DYNC1I2: variants seen among roughly 807,000 people sequenced by gnomAD.
DYNC1I2 encodes the protein dynein cytoplasmic 1 intermediate chain 2.
DYNC1I2 carries 53 observed loss-of-function variants against 88.6 expected under a neutral mutation model. The ratio of observed to expected loss-of-function variants is 0.60; its 90% CI spans 0.48 to 0.75. The LOEUF is 0.75. Ranked by LOEUF, DYNC1I2 falls within the 30% of genes least tolerant of loss-of-function variation. The probability of loss-of-function intolerance (pLI) is 0.00; values close to 1 mark genes in which losing one functional copy is unlikely to be tolerated. For synonymous variants in DYNC1I2, 198 were observed against 254.6 expected, an observed-to-expected ratio of 0.78 and a Z score of 2.12; for missense variants, 458 against 766.6, an observed-to-expected ratio of 0.60 and a Z score of 4.75.
At chr2:171,702,294 G>T (rs982684216) in intron 3 of DYNC1I2, among the ~76,000 whole-genome samples, 2 of 152,164 alleles carry the variant, frequency 1.3e-5, no homozygotes, top group African/African-American at 4.8e-5. Context: ...CTTGTTGGCA[G>T]ATTTACCATT....
chr2:171,741,801 G>C (rs966714696), intron 15 of DYNC1I2, among the ~76,000 whole-genome samples: 1 of 152,022 alleles, frequency 6.6e-6, no homozygotes, highest in Non-Finnish European at 1.5e-5. Context: ...CATAGTTTTG[G>C]CCAGGCACGG....
At chr2:171,714,863 G>A (rs1042127117) in intron 6 of DYNC1I2, among the ~76,000 whole-genome samples, 1 of 152,048 alleles carries the variant, frequency 6.6e-6, no homozygotes, top group East Asian at 1.9e-4. Flanking sequence ...TAGAAAAAAA[G>A]CTTTCAACAG....
chr2:171,736,351 T>A (rs530094249), intron 15 of DYNC1I2, among the ~76,000 whole-genome samples: 4 of 152,190 alleles, frequency 2.6e-5, no homozygotes, highest in Non-Finnish European at 5.9e-5. Context: ...AACAGGCTCC[T>A]AAGACACTGG....
At chr2:171,711,543 G>A (rs986731777) in intron 5 of DYNC1I2, among the ~76,000 whole-genome samples, 1 of 152,158 alleles carries the variant, frequency 6.6e-6, no homozygotes, top group African/African-American at 2.4e-5. Flanking sequence ...AACATTCCTT[G>A]GAGACCATCT....
intron 17 of DYNC1I2, 111 bp downstream of exon 17, chr2:171,746,038 T>C: frequency 8.6e-7 from 1 of 1,158,028 alleles, no homozygotes; most frequent in East Asian, 2.4e-5. Context: ...TTAAACTATA[T>C]GGTTGTAAAG....
chr2:171,713,584 A>T (rs1002065816), intron 6 of DYNC1I2, among the ~76,000 whole-genome samples: 3 of 151,986 alleles, frequency 2.0e-5, no homozygotes, highest in Non-Finnish European at 2.9e-5. Flanking sequence ...AATTTTGTTG[A>T]CATAGAGATA....
chr2:171,717,761 C>G (rs1194434488), intron 7 of DYNC1I2, among the ~76,000 whole-genome samples: 1 of 152,026 alleles, frequency 6.6e-6, no homozygotes, highest in South Asian at 2.1e-4. Flanking sequence ...ATAACCAAAA[C>G]GAAGGCACAG....
chr2:171,695,138 C>T (rs553139484), intron 3 of DYNC1I2, among the ~76,000 whole-genome samples: 5 of 151,496 alleles, frequency 3.3e-5, no homozygotes, highest in South Asian at 2.1e-4. Context: ...CTTGCCCTGT[C>T]GCCCAGGCTG....
At chr2:171,747,214 T>TATATATATATATATATATATA in intron 17 of DYNC1I2, among the ~76,000 whole-genome samples, 1 of 139,644 alleles carries the variant, frequency 7.2e-6, no homozygotes. Flanking sequence ...AAATTATATA[T>TATATATATATATATATATATA]ATATATATAT....
chr2:171,705,708 T>C (rs1269104064), intron 3 of DYNC1I2, among the ~76,000 whole-genome samples: 1 of 152,058 alleles, frequency 6.6e-6, no homozygotes, highest in East Asian at 1.9e-4. Context: ...ATTCTTCTAC[T>C]TTAGATGAAA....
chr2:171,702,380 A>G (rs1480199351), intron 3 of DYNC1I2, among the ~76,000 whole-genome samples: 1 of 152,236 alleles, frequency 6.6e-6, no homozygotes, highest in Non-Finnish European at 1.5e-5. Context: ...AGTGCATTTC[A>G]TAATCCTTAA....
At position 171,708,913 on chromosome 2, in the gene DYNC1I2, G is replaced by A. The variant is rs1289431780; in HGVS notation, c.335+1536G>A. On this transcript the variant is annotated intron_variant, in intron 5 of 17. Transcript: ENST00000397119. ...TTGCCATATTGCCCAGGCTGGACTC[G>A]AATTCCCAGACTCAAGTGATCCACC... Among the ~76,000 whole-genome samples, 5 of 151,908 alleles carry A rather than the reference G, an allele frequency of 3.3e-5. No homozygotes were observed. The East Asian group carries it at 7.7e-4, about 23-fold the overall frequency.
At chr2:171,693,989 G>A (rs1271256277) in intron 3 of DYNC1I2, among the ~76,000 whole-genome samples, 1 of 146,386 alleles carries the variant, frequency 6.8e-6, no homozygotes, top group Non-Finnish European at 1.5e-5. Context: ...TTTCTTTTAT[G>A]TTCTTCTTAA....
intron 12 of DYNC1I2, 45 bp from the exon 13 acceptor site, chr2:171,728,260 C>G: frequency 1.6e-6 from 2 of 1,250,800 alleles, no homozygotes; most frequent in Non-Finnish European, 2.2e-6. Context: ...TTTTGTTTTG[C>G]TTTTTGGTAC....
At chr2:171,692,457 T>C (rs150278029) in intron 2 of DYNC1I2, among the ~76,000 whole-genome samples, 17 of 152,314 alleles carry the variant, frequency 1.1e-4, no homozygotes, top group African/African-American at 4.1e-4. Flanking sequence ...CTATTATTCC[T>C]GACCATAGAC....
chr2:171,718,447 T>C (rs1481686332), intron 7 of DYNC1I2, among the ~76,000 whole-genome samples: 1 of 152,002 alleles, frequency 6.6e-6, no homozygotes, highest in East Asian at 1.9e-4. Context: ...CTTTTTTTTT[T>C]CTTTGAGACA....
intron 3 of DYNC1I2, among the ~76,000 whole-genome samples, chr2:171,696,087 T>C (rs982849964): frequency 2.6e-5 from 4 of 152,242 alleles, no homozygotes; most frequent in African/African-American, 9.6e-5. Context: ...TCTTTGTGTA[T>C]TTTGTATATT....
At chr2:171,697,719 A>G (rs924034641) in intron 3 of DYNC1I2, among the ~76,000 whole-genome samples, 1 of 151,942 alleles carries the variant, frequency 6.6e-6, no homozygotes, top group Admixed American at 6.6e-5. Flanking sequence ...TTAGCCAGGC[A>G]TGATAGCAGG....
At chr2:171,703,419 A>C (rs1455860311) in intron 3 of DYNC1I2, among the ~76,000 whole-genome samples, 2 of 82,172 alleles carry the variant, frequency 2.4e-5, no homozygotes, top group Non-Finnish European at 5.6e-5. Context: ...GTAGAGACAG[A>C]GTCTTGTTAT....
Sources: gnomAD v4.1 joint callset for allele counts (sites outside exome capture counted in the v4.1 genomes callset) on GRCh38, gnomAD v4.1.1 for gene constraint, MANE v1.5 for transcripts, NCBI Gene and HGNC (gene_info 2026-07-23, HGNC 2026-07-21) for gene names.